FGD3: variants seen among roughly 807,000 people sequenced by gnomAD.
The protein encoded by FGD3 is FYVE, RhoGEF and PH domain-containing protein 3.
FGD3 carries 45 observed loss-of-function variants against 71.8 expected under a neutral mutation model. That is an observed-to-expected ratio of 0.63 (90% confidence interval 0.49 to 0.80). The LOEUF is 0.80. FGD3 is among the 30% of genes least tolerant of loss of function. FGD3 has a pLI of 0.00. For missense variants in FGD3, 844 were observed against 951.5 expected (o/e 0.89, Z 1.49); for synonymous variants, 378 against 392.8 (o/e 0.96, Z 0.44).
intron 1 of FGD3, among the ~76,000 whole-genome samples, chr9:92,971,087 G>C (rs1206621685): frequency 1.3e-5 from 2 of 152,140 alleles, no homozygotes; most frequent in African/African-American, 4.8e-5. Context: ...CCCACCAAGG[G>C]CACCCTAAAA....
Position 93,034,663 on chromosome 9 carries a change from C to G in FGD3, c.1908C>G (p.His636Gln). 6.2e-7 allele frequency: 1 copy of G among 1,613,128 alleles called. No homozygotes were observed. Among genetic ancestry groups the G allele is most frequent in the Non-Finnish European group, 8.5e-7 (1 of 1,179,700 alleles). The change falls in exon 17 of 18, where the codon CAC becomes CAG. Residue 636 changes from histidine to glutamine, a missense_variant. Transcript: ENST00000375482. ...CCATGTCAGATCCCCAGGTGCTGCA[C>G]CTGCAGGGAGGCAGCCAGGTACGTG... is the stretch of plus-strand genomic sequence containing the variant. ...AIPMSDPQVL[H>Q]LQGGSQDGRL...
chr9:92,970,232 C>T (rs1859483540), intron 1 of FGD3, among the ~76,000 whole-genome samples: 1 of 152,192 alleles, frequency 6.6e-6, no homozygotes, highest in Admixed American at 6.5e-5. Flanking sequence ...ACGTCCCCTG[C>T]GAATGTGAGA....
chr9:93,006,176 T>C lies in FGD3; in HGVS notation c.833T>C (p.Ile278Thr). Residue 278 changes from isoleucine (I) to threonine (T), a missense_variant, in exon 6 of 18, where the codon ATC (isoleucine) becomes ACC (threonine). By Grantham distance (89) the Ile-to-Thr change is moderately conservative. Coordinates refer to ENST00000375482, the MANE Select transcript of FGD3 (RefSeq NM_001083536.2). ...CTGTTTAAAGACGTCGTCCACAGCA[T>C]CCAGGTAAGGCCGGCAGTGGGAGTG... ...SPLFKDVVHS[I>T]QKQEVCGNLT... The C allele has an allele frequency of 6.3e-7, 1 of 1,577,174 alleles. No homozygotes were observed. Among genetic ancestry groups the C allele is most frequent in the Non-Finnish European group, 8.6e-7 (1 of 1,158,896 alleles).
intron 3 of FGD3, among the ~76,000 whole-genome samples, chr9:92,992,497 A>G (rs1213799117): frequency 6.6e-6 from 1 of 152,152 alleles, no homozygotes; most frequent in African/African-American, 2.4e-5. Flanking sequence ...AGCTGGGAGG[A>G]TTGCTTGAGC....
chr9:93,005,228 T>C (rs1425375293), intron 5 of FGD3, among the ~76,000 whole-genome samples: 1 of 152,124 alleles, frequency 6.6e-6, no homozygotes, highest in African/African-American at 2.4e-5. Flanking sequence ...GTTCACACCA[T>C]TCCCCTGCCT....
chr9:92,995,439 C>T (rs1221653924), intron 3 of FGD3, among the ~76,000 whole-genome samples: 2 of 152,136 alleles, frequency 1.3e-5, no homozygotes, highest in African/African-American at 4.8e-5. Context: ...ATTTGACTTC[C>T]TCTTTTCCTA....
At chr9:92,954,047 G>C (rs763692069) in intron 1 of FGD3, among the ~76,000 whole-genome samples, 3 of 152,114 alleles carry the variant, frequency 2.0e-5, no homozygotes, top group Non-Finnish European at 2.9e-5. Context: ...AATGTTCTAC[G>C]TAGAAATTTA....
chr9:93,020,565 C>A (rs770520361), intron 13 of FGD3, 141 bp downstream of exon 13: 5 of 655,052 alleles, frequency 7.6e-6, no homozygotes, highest in Non-Finnish European at 1.3e-5. Context: ...GCGGGCACTC[C>A]CTTGTGTTAA....
At chr9:92,957,687 T>C (rs1859087128) in intron 1 of FGD3, among the ~76,000 whole-genome samples, 1 of 147,268 alleles carries the variant, frequency 6.8e-6, no homozygotes, top group Non-Finnish European at 1.5e-5. Flanking sequence ...CTTTTTTTTT[T>C]TTTTTTTTTG....
chr9:92,983,100 A>C (rs888623412), intron 3 of FGD3, among the ~76,000 whole-genome samples: 1 of 151,966 alleles, frequency 6.6e-6, no homozygotes, highest in African/African-American at 2.4e-5. Context: ...AAAAAAATTC[A>C]CCTTTTAAAA....
chr9:93,028,197 GACACACACACAC>G (rs371150500), intron 14 of FGD3, among the ~76,000 whole-genome samples: 2 of 147,224 alleles, frequency 1.4e-5, no homozygotes, highest in East Asian at 2.0e-4. Context: ...CCCTAGCCCC[GACACACACACAC>G]ACACACACGC....
At chr9:93,000,903 T>G (rs544205567) in intron 3 of FGD3, among the ~76,000 whole-genome samples, 1 of 152,312 alleles carries the variant, frequency 6.6e-6, no homozygotes, top group East Asian at 1.9e-4. Context: ...TCTTCTCTTT[T>G]GGAACTTACA....
chr9:93,013,839 A>T lies in FGD3; in HGVS notation c.1036-13A>T, dbSNP rs373582274. On this transcript the variant is annotated splice_polypyrimidine_tract_variant and intron_variant, in intron 8 of 17. Coordinates refer to ENST00000375482, the MANE Select transcript of FGD3 (RefSeq NM_001083536.2). ...CACAGACCTTTGGTGCCTGAGTCCCATGTCTCTTGCAGGAGAAAATGCACA... is the reference window on the plus strand; with the variant it reads ...CACAGACCTTTGGTGCCTGAGTCCCTTGTCTCTTGCAGGAGAAAATGCACA... 23 of 1,612,230 alleles carry T rather than the reference A, an allele frequency of 1.4e-5. No homozygotes were observed. In the South Asian group the frequency reaches 2.2e-4, roughly 15 times the overall value.
intron 11 of FGD3, among the ~76,000 whole-genome samples, chr9:93,018,514 T>C (rs1034099824): frequency 6.6e-6 from 1 of 152,152 alleles, no homozygotes; most frequent in African/African-American, 2.4e-5. Context: ...TAACAATGTG[T>C]AAGAAAACAG....
intron 1 of FGD3, among the ~76,000 whole-genome samples, chr9:92,970,638 G>C (rs193096338): frequency 7.9e-5 from 12 of 152,342 alleles, no homozygotes; most frequent in South Asian, 2.1e-4. Context: ...TTTCAGGAGG[G>C]ACCTATTTTG....
At chr9:92,985,342 G>C (rs1860150407) in intron 3 of FGD3, among the ~76,000 whole-genome samples, 1 of 152,196 alleles carries the variant, frequency 6.6e-6, no homozygotes, top group African/African-American at 2.4e-5. Flanking sequence ...AGTTATAAAA[G>C]ACTGAGGAGG....
intron 1 of FGD3, among the ~76,000 whole-genome samples, chr9:92,962,955 A>C (rs2118522448): frequency 6.6e-6 from 1 of 150,700 alleles, no homozygotes; most frequent in Non-Finnish European, 1.5e-5. Flanking sequence ...AAAAAAAAAA[A>C]AGAAAAGAAA....
intron 3 of FGD3, among the ~76,000 whole-genome samples, chr9:92,982,445 T>C (rs1476987415): frequency 1.3e-5 from 2 of 152,228 alleles, no homozygotes; most frequent in Non-Finnish European, 2.9e-5. Flanking sequence ...GCAATAAACA[T>C]GGAGGTGCAG....
At chr9:93,030,487 T>C (rs921461065) in intron 15 of FGD3, among the ~76,000 whole-genome samples, 64 of 152,330 alleles carry the variant, frequency 4.2e-4, no homozygotes, top group African/African-American at 1.5e-3. Context: ...CAAAGCCCTT[T>C]CTCCTGAGAA....
Sources: allele counts gnomAD v4.1 joint callset (sites outside exome capture counted in the v4.1 genomes callset), GRCh38; gene constraint gnomAD v4.1.1; transcripts MANE v1.5; gene names NCBI Gene and HGNC (gene_info 2026-07-23, HGNC 2026-07-21).